TINAG: variants seen among roughly 807,000 people sequenced by gnomAD.
TINAG encodes the protein tubulointerstitial nephritis antigen.
In TINAG, 83 loss-of-function variants were observed where a neutral mutation model predicts 72.7. The observed-to-expected ratio is 1.14, with a 90% CI of 0.96 to 1.37. The LOEUF (loss-of-function observed/expected upper bound fraction) is 1.37, where lower values mean the gene tolerates loss of function less well. Ranked by LOEUF, TINAG falls within the 40% of genes most tolerant of loss-of-function variation. The pLI is 0.00. For missense variants in TINAG, 685 were observed against 576.6 expected (o/e 1.19, Z -1.93); for synonymous variants, 234 against 189.9 (o/e 1.23, Z -1.91).
intron 9 of TINAG, among the ~76,000 whole-genome samples, chr6:54,358,320 T>C (rs1463108144): frequency 6.6e-6 from 1 of 151,886 alleles, no homozygotes; most frequent in Non-Finnish European, 1.5e-5. Flanking sequence ...ATGTTGATTG[T>C]ATATTGTCTG....
chr6:54,341,814 A>G (rs1237345256), intron 4 of TINAG, among the ~76,000 whole-genome samples: 4 of 152,104 alleles, frequency 2.6e-5, no homozygotes, highest in Non-Finnish European at 5.9e-5. Flanking sequence ...TAAAGCAGGG[A>G]AACTATAGAA....
chr6:54,308,489 G>T lies in TINAG; in HGVS notation c.-62G>T. 7.1e-7 allele frequency: 1 copy of T among 1,415,428 alleles called. No homozygotes were observed. Among genetic ancestry groups the T allele is most frequent in the Non-Finnish European group, 9.6e-7 (1 of 1,043,280 alleles). The allele number at this position is 1,415,428 out of a possible 1,614,324, so 87.7% of individuals were successfully genotyped here. A position where few individuals can be genotyped will look rare whatever the true frequency, so the allele number is the denominator to read the frequency against. ...ACTAGAATTCAGGTTCCAAGGAGAA[G>T]CCCACAAGGCTAAGGGTATTGGATA... On this transcript the variant is annotated 5_prime_UTR_variant, in exon 1 of 11. Transcript: ENST00000259782.
intron 9 of TINAG, among the ~76,000 whole-genome samples, chr6:54,368,952 T>C (rs192334699): frequency 9.9e-5 from 15 of 151,972 alleles, no homozygotes; most frequent in African/African-American, 3.6e-4. Flanking sequence ...TGTAGATATT[T>C]ATGATATACA....
chr6:54,327,769 G>T (rs1461529107), intron 4 of TINAG, among the ~76,000 whole-genome samples: 2 of 152,130 alleles, frequency 1.3e-5, no homozygotes, highest in African/African-American at 4.8e-5. Context: ...CGTGGTGGAG[G>T]GAGGGGCGTC....
At chr6:54,356,508 G>A (rs1052197686) in intron 9 of TINAG, among the ~76,000 whole-genome samples, 1 of 151,966 alleles carries the variant, frequency 6.6e-6, no homozygotes, top group African/African-American at 2.4e-5. Flanking sequence ...CTGGGCAACA[G>A]AGTGAGACTC....
intron 9 of TINAG, among the ~76,000 whole-genome samples, chr6:54,355,598 C>A (rs540647202): frequency 6.6e-6 from 1 of 151,686 alleles, no homozygotes; most frequent in Non-Finnish European, 1.5e-5. Context: ...TAAGATAATA[C>A]TAATTTTATG....
chr6:54,311,226 A>G (rs1175851266), intron 1 of TINAG, among the ~76,000 whole-genome samples: 1 of 152,162 alleles, frequency 6.6e-6, no homozygotes, highest in African/African-American at 2.4e-5. Flanking sequence ...TCCGTGGACT[A>G]GTATGACTAG....
At chr6:54,387,042 T>A (rs1047486105) in intron 10 of TINAG, among the ~76,000 whole-genome samples, 4 of 152,096 alleles carry the variant, frequency 2.6e-5, no homozygotes, top group African/African-American at 4.8e-5. Context: ...ATACAATAAA[T>A]AGACATTCTT....
chr6:54,356,847 T>C (rs182210329), intron 9 of TINAG, among the ~76,000 whole-genome samples: 6 of 151,876 alleles, frequency 4.0e-5, no homozygotes, highest in Admixed American at 3.9e-4. Context: ...GCAGAAGCAA[T>C]TTCTCCTTTT....
At chr6:54,380,836 C>T (rs1763924425) in intron 10 of TINAG, among the ~76,000 whole-genome samples, 2 of 151,250 alleles carry the variant, frequency 1.3e-5, no homozygotes, top group Admixed American at 1.3e-4. Flanking sequence ...TAACTTTGTT[C>T]TATTATCTTC....
Position 54,389,993 on chromosome 6 carries a change from C to CT in TINAG, c.*68_*69insT. 1.3e-6 allele frequency: 2 copies of CT among 1,566,532 alleles called. No individual in the cohort carries two copies. Among genetic ancestry groups the CT allele is most frequent in the Non-Finnish European group, 1.7e-6 (2 of 1,157,842 alleles). ...CCTAAATTGAAGTTTAGCAATATGA[C>CT]ATTCTTGGTGACAGTGGAATCTTTG... is the stretch of plus-strand genomic sequence containing the variant. On this transcript the variant is annotated 3_prime_UTR_variant, in exon 11 of 11. Transcript: ENST00000259782.
At chr6:54,368,566 T>C (rs1763507808) in intron 9 of TINAG, among the ~76,000 whole-genome samples, 1 of 151,270 alleles carries the variant, frequency 6.6e-6, no homozygotes, top group Admixed American at 6.6e-5. Flanking sequence ...TATTAAATTC[T>C]TATATAAATT....
upstream of TINAG, chr6:54,308,109 A>G (rs1039628402): frequency 1.3e-6 from 2 of 1,549,928 alleles, no homozygotes; most frequent in Middle Eastern, 3.3e-4. Context: ...GGTGAAACGA[A>G]TAATTGCATT....
chr6:54,379,188 A>G (rs1763871559), intron 9 of TINAG, among the ~76,000 whole-genome samples: 1 of 152,186 alleles, frequency 6.6e-6, no homozygotes. Context: ...TTGTGTTCTC[A>G]TAATTCACCA....
At chr6:54,327,145 G>T in intron 4 of TINAG, 1 of 1,548,378 alleles carries the variant, frequency 6.5e-7, no homozygotes, top group Non-Finnish European at 8.7e-7. Flanking sequence ...CTTTAGGAAT[G>T]ATTGAATGGG....
intron 7 of TINAG, among the ~76,000 whole-genome samples, chr6:54,350,195 TA>T (rs2150960089): frequency 7.0e-6 from 1 of 143,500 alleles, no homozygotes; most frequent in African/African-American, 2.4e-5. Flanking sequence ...AATTAAAAGT[TA>T]AGTTAAACAC....
intron 1 of TINAG, among the ~76,000 whole-genome samples, chr6:54,314,657 T>C (rs1036334675): frequency 1.3e-5 from 2 of 152,202 alleles, no homozygotes; most frequent in Non-Finnish European, 2.9e-5. Context: ...TTTGATTAGT[T>C]ATTATATCAA....
chr6:54,374,355 A>G (rs2150978275), intron 9 of TINAG, among the ~76,000 whole-genome samples: 1 of 152,222 alleles, frequency 6.6e-6, no homozygotes, highest in African/African-American at 2.4e-5. Context: ...CTGATCTTAG[A>G]TATATTGAAC....
intron 5 of TINAG, 109 bp from the exon 6 acceptor site, chr6:54,347,258 T>G (rs1582726501): frequency 9.8e-7 from 1 of 1,024,468 alleles, no homozygotes. Context: ...TAATTATAAA[T>G]TATACACAGT....
Sources: allele counts gnomAD v4.1 joint callset (sites outside exome capture counted in the v4.1 genomes callset), GRCh38; gene constraint gnomAD v4.1.1; transcripts MANE v1.5; gene names NCBI Gene and HGNC (gene_info 2026-07-23, HGNC 2026-07-21).